Variants in CTNNA3 observed in about 807,000 individuals in gnomAD.
The protein encoded by CTNNA3 is catenin alpha 3, also known as catenin alpha-3.
Under a neutral mutation model 95.7 loss-of-function variants are expected in CTNNA3, and 76 were observed. The ratio of observed to expected loss-of-function variants is 0.79; its 90% CI spans 0.66 to 0.96. The LOEUF is 0.96. Ranked by LOEUF, CTNNA3 falls within the 40% of genes least tolerant of loss-of-function variation. CTNNA3 has a pLI of 0.00. For missense variants in CTNNA3, 1,191 were observed against 1,089.8 expected (o/e 1.09, Z -1.31); for synonymous variants, 431 against 374.4 (o/e 1.15, Z -1.74).
At chr10:66,295,460 A>T (rs569092413) in intron 12 of CTNNA3, among the ~76,000 whole-genome samples, 2 of 152,312 alleles carry the variant, frequency 1.3e-5, no homozygotes, top group African/African-American at 4.8e-5. Context: ...AAAATGGAGA[A>T]AGTGGCACCA....
chr10:66,053,947 G>T (rs10996863), intron 15 of CTNNA3, among the ~76,000 whole-genome samples: 1 of 151,542 alleles, frequency 6.6e-6, no homozygotes, highest in Non-Finnish European at 1.5e-5. Flanking sequence ...TATTGTTATC[G>T]TTGTTGCCAC....
intron 7 of CTNNA3, among the ~76,000 whole-genome samples, chr10:66,841,547 G>A (rs1843066752): frequency 1.3e-5 from 2 of 152,138 alleles, no homozygotes; most frequent in Non-Finnish European, 2.9e-5. Flanking sequence ...GGTTTCAAAT[G>A]TCAAGATTAC....
chr10:67,302,546 G>A (rs972978950), intron 5 of CTNNA3, among the ~76,000 whole-genome samples: 3 of 152,118 alleles, frequency 2.0e-5, no homozygotes, highest in African/African-American at 7.2e-5. Flanking sequence ...ATAAACAATT[G>A]TTGTCAATTA....
chr10:67,067,177 T>C (rs1243671070), intron 7 of CTNNA3, among the ~76,000 whole-genome samples: 1 of 152,170 alleles, frequency 6.6e-6, no homozygotes. Context: ...TAATAAATCT[T>C]AGCAAACTAT....
chr10:67,719,438 G>T (rs182646427), intron 1 of CTNNA3, among the ~76,000 whole-genome samples: 2,703 of 152,256 alleles, frequency 0.018, 32 homozygotes, highest in Non-Finnish European at 0.025. Context: ...TGGGCCTTTA[G>T]TGCTATAAAT....
intron 15 of CTNNA3, among the ~76,000 whole-genome samples, chr10:66,064,989 T>C (rs1589315476): frequency 2.0e-5 from 3 of 152,170 alleles, no homozygotes; most frequent in Non-Finnish European, 2.9e-5. Context: ...CATACATTCA[T>C]ACAACTTATA....
At chr10:67,306,779 G>T (rs968623690) in intron 5 of CTNNA3, among the ~76,000 whole-genome samples, 4 of 151,438 alleles carry the variant, frequency 2.6e-5, no homozygotes, top group African/African-American at 9.8e-5. Flanking sequence ...TCTGCTGGTG[G>T]ATTTTTTTAA....
At chr10:66,367,273 A>G (rs2092716633) in intron 12 of CTNNA3, among the ~76,000 whole-genome samples, 1 of 152,108 alleles carries the variant, frequency 6.6e-6, no homozygotes, top group South Asian at 2.1e-4. Flanking sequence ...AACTTAAACA[A>G]TGTATTATAA....
Position 66,549,083 on chromosome 10 carries a change from G to A in CTNNA3, c.1375-28310C>T, listed in dbSNP as rs567669703. On this transcript the variant is annotated intron_variant, in intron 10 of 17. Transcript: ENST00000433211. ...CGCTCACTGCAAGCTCCGGTTCCCG[G>A]GTTGACGCCATTCTCCTACCTCAGC... Among the ~76,000 whole-genome samples, 138 of 142,154 alleles carry A rather than the reference G, an allele frequency of 9.7e-4. 1 individual carries two copies. The highest frequency in any genetic ancestry group is 4.0e-3 in the Admixed American group (51 of 12,898). The allele number at this position is 142,154 out of a possible 152,430, so 93.3% of individuals were successfully genotyped here.
At chr10:67,672,214 T>C (rs1375025092) in intron 1 of CTNNA3, among the ~76,000 whole-genome samples, 1 of 152,212 alleles carries the variant, frequency 6.6e-6, no homozygotes, top group Non-Finnish European at 1.5e-5. Flanking sequence ...TTGTTTGTTT[T>C]TTTCTTGTAA....
rs58074397 is a variant in CTNNA3 at position 67,720,129 on chromosome 10, C to CT, written c.-2+43304dup. On this transcript the variant is annotated intron_variant, in intron 1 of 17. Transcript: ENST00000684154. The stretch of plus-strand genomic sequence containing the variant: ...TCAGAGACTAGGATTGCAACCCCTG[C>CT]TTTTTTTTTTTTTTTTTTTTTTTGC... 3.6e-3 allele frequency among the ~76,000 whole-genome samples: 24 copies of CT among 6,612 alleles called. 9 individuals are homozygous for CT. The highest frequency in any genetic ancestry group is 6.0e-3 in the African/African-American group (9 of 1,500). The allele number at this position is 6,612 out of a possible 152,430, so 4.3% of individuals were successfully genotyped here.
intron 7 of CTNNA3, among the ~76,000 whole-genome samples, chr10:66,981,669 C>T (rs762044444): frequency 3.9e-5 from 6 of 152,314 alleles, no homozygotes; most frequent in Non-Finnish European, 8.8e-5. Flanking sequence ...ATGCCCAATG[C>T]TACTGCAATA....
At position 66,860,547 on chromosome 10, in the gene CTNNA3, G is replaced by C. The variant is rs570820429; in HGVS notation, c.1048-85023C>G. Among the ~76,000 whole-genome samples the C allele has an allele frequency of 2.6e-5, 4 of 152,188 alleles. No individual in the cohort carries two copies. The South Asian group carries it at 8.3e-4, about 32-fold the overall frequency. ...AATGCTAGCAGCAGTCTCCCTCATG[G>C]CTCTTGTTTTGACAGGTGTCTACTC... is the stretch of plus-strand genomic sequence containing the variant. On this transcript the variant is annotated intron_variant, in intron 7 of 17. Coordinates refer to ENST00000433211, the MANE Select transcript of CTNNA3 (RefSeq NM_013266.4).
intron 5 of CTNNA3, among the ~76,000 whole-genome samples, chr10:67,267,369 CT>C (rs1479757123): frequency 6.6e-6 from 1 of 151,986 alleles, no homozygotes; most frequent in African/African-American, 2.4e-5. Flanking sequence ...TTATAATCTT[CT>C]TTTTTTGTTT....
intron 1 of CTNNA3, among the ~76,000 whole-genome samples, chr10:67,725,722 C>T (rs368184432): frequency 6.6e-5 from 10 of 151,512 alleles, no homozygotes; most frequent in Non-Finnish European, 1.5e-4. Context: ...GAGCTTATGC[C>T]AAAACCTATG....
intron 15 of CTNNA3, among the ~76,000 whole-genome samples, chr10:66,050,608 T>C (rs1157948111): frequency 2.0e-5 from 3 of 152,150 alleles, no homozygotes; most frequent in Non-Finnish European, 2.9e-5. Context: ...CTTAGATTTT[T>C]ATAATATTAA....
At position 66,024,176 on chromosome 10, in the gene CTNNA3, G is replaced by A. The variant is rs140927044; in HGVS notation, c.2160-35379C>T. Among the ~76,000 whole-genome samples the A allele has an allele frequency of 9.8e-3, 1,389 of 142,428 alleles. 16 individuals carry two copies. The highest frequency in any genetic ancestry group is 0.034 in the African/African-American group (1,289 of 38,430). The allele number at this position is 142,428 out of a possible 152,430, so 93.4% of individuals were successfully genotyped here. A position where few individuals can be genotyped will look rare whatever the true frequency, so the allele number is the denominator to read the frequency against. On this transcript the variant is annotated intron_variant, in intron 15 of 17. Transcript: ENST00000433211. ...ACAATCTGGGCTCACCGCAAGCTCC[G>A]CCTCCCGGGTTCATGCCATTCTCCT...
At chr10:67,693,865 C>T (rs1314663475) in intron 1 of CTNNA3, among the ~76,000 whole-genome samples, 1 of 152,196 alleles carries the variant, frequency 6.6e-6, no homozygotes, top group Non-Finnish European at 1.5e-5. Context: ...TCTTCTCTGA[C>T]TCCTACCATA....
intron 11 of CTNNA3, among the ~76,000 whole-genome samples, chr10:66,478,857 T>C (rs188996038): frequency 2.1e-3 from 326 of 152,020 alleles, no homozygotes; most frequent in African/African-American, 7.7e-3. Context: ...TAGTTATATA[T>C]AATTCATAGC....
Sources: gnomAD v4.1 joint callset for allele counts (sites outside exome capture counted in the v4.1 genomes callset) on GRCh38, gnomAD v4.1.1 for gene constraint, MANE v1.5 for transcripts, NCBI Gene and HGNC (gene_info 2026-07-23, HGNC 2026-07-21) for gene names.